Variants in POLR3GL observed in about 807,000 individuals in gnomAD.
POLR3GL encodes DNA-directed RNA polymerase III subunit RPC7-like.
In POLR3GL, 26 loss-of-function variants were observed where a neutral mutation model predicts 32.4. That is an observed-to-expected ratio of 0.80 (90% confidence interval 0.59 to 1.11). The LOEUF (loss-of-function observed/expected upper bound fraction) is 1.11, where lower values mean the gene tolerates loss of function less well. Among genes scored for constraint, POLR3GL ranks in the 50% most tolerant of loss-of-function variants. The pLI, the probability that POLR3GL is intolerant of heterozygous loss-of-function variation, is 0.00. For synonymous variants in POLR3GL, 95 were observed against 98.7 expected (o/e 0.96, Z 0.22); for missense variants, 229 against 280.1 (o/e 0.82, Z 1.30).
chr1:145,970,541 A>T (rs1459752133), intron 1 of POLR3GL, among the ~76,000 whole-genome samples: 1 of 152,060 alleles, frequency 6.6e-6, no homozygotes, highest in African/African-American at 2.4e-5. Flanking sequence ...GATAGTGCCA[A>T]GAGTTCCCAT....
chr1:145,977,260 G>A, intron 4 of POLR3GL, 108 bp downstream of exon 4: 1 of 1,009,380 alleles, frequency 9.9e-7, no homozygotes, highest in Non-Finnish European at 1.6e-6. Context: ...TCCAGCATCT[G>A]CAAGCTAGAG....
At position 145,974,928 on chromosome 1, in the gene POLR3GL, C is replaced by T. The variant is rs201848461; in HGVS notation, c.63C>T (p.Ala21=). ...GRGQLTFNVE[A]VGIGKGDALP... is the part of the protein sequence containing the mutation. ...GCCAGTTGACCTTCAACGTGGAGGC[C>T]GTGGGCATTGGGAAAGGGGATGCTT... Residue 21 remains alanine, a synonymous_variant, in exon 2 of 8, where the codon GCC becomes GCT. Coordinates refer to ENST00000369314, the MANE Select transcript of POLR3GL (RefSeq NM_032305.3). 5 of 1,521,038 alleles carry T rather than the reference C, an allele frequency of 3.3e-6. No homozygotes were observed. Among genetic ancestry groups the T allele is most frequent in the East Asian group, 2.5e-5 (1 of 39,454 alleles). The allele number at this position is 1,521,038 out of a possible 1,614,324, so 94.2% of individuals were successfully genotyped here. A position where few individuals can be genotyped will look rare whatever the true frequency, so the allele number is the denominator to read the frequency against.
At chr1:145,968,183 G>A (rs1650122490) in intron 1 of POLR3GL, among the ~76,000 whole-genome samples, 2 of 152,158 alleles carry the variant, frequency 1.3e-5, no homozygotes, top group Non-Finnish European at 2.9e-5. Flanking sequence ...AAAGGTTGAT[G>A]TTAAGGAGGA....
At chr1:145,966,513 C>CTCTTTT (rs1650037821) in intron 1 of POLR3GL, among the ~76,000 whole-genome samples, 1 of 148,858 alleles carries the variant, frequency 6.7e-6, no homozygotes, top group Non-Finnish European at 1.5e-5. Flanking sequence ...AGAGGCCGGG[C>CTCTTTT]GTGATGGCTC....
At chr1:145,976,836 C>T (rs1650575522) in intron 3 of POLR3GL, among the ~76,000 whole-genome samples, 1 of 146,918 alleles carries the variant, frequency 6.8e-6, no homozygotes, top group Admixed American at 7.0e-5. Context: ...TCGCTTGAAC[C>T]TGGGAGGTGG....
At chr1:145,965,758 C>T (rs1553761948) in intron 1 of POLR3GL, among the ~76,000 whole-genome samples, 1 of 152,158 alleles carries the variant, frequency 6.6e-6, no homozygotes, top group Non-Finnish European at 1.5e-5. Context: ...AGTCAATATC[C>T]TACAAATATT....
intron 1 of POLR3GL, among the ~76,000 whole-genome samples, chr1:145,970,514 T>C (rs587697724): frequency 6.6e-6 from 1 of 152,164 alleles, no homozygotes; most frequent in East Asian, 1.9e-4. Context: ...ATTTAAGACT[T>C]ACGGAAAAAT....
In POLR3GL at chr1:145,975,972, G is replaced by GAA. The variant is rs5777568; in HGVS notation, c.256+547_256+548dup. On this transcript the variant is annotated intron_variant, in intron 3 of 7. Coordinates refer to ENST00000369314, the MANE Select transcript of POLR3GL (RefSeq NM_032305.3). ...AGCCATGCCTTTGAACTAAGGGACAGAAAAAAAAAAAATCATCATGGCCGG... is the reference window on the plus strand; with the variant it reads ...AGCCATGCCTTTGAACTAAGGGACAGAAAAAAAAAAAAAATCATCATGGCCGG... Among the ~76,000 whole-genome samples, 43 of 147,544 alleles carry GAA rather than the reference G, an allele frequency of 2.9e-4. 1 individual carries two copies. The highest frequency in any genetic ancestry group is 8.1e-4 in the Admixed American group (12 of 14,860).
chr1:145,975,437 G>A lies in POLR3GL; in HGVS notation c.256+1G>A. On this transcript the variant is annotated splice_donor_variant, in intron 3 of 7. Transcript: ENST00000369314. LOFTEE classifies it high-confidence loss of function. The stretch of plus-strand genomic sequence containing the variant: ...ATCCGGCCAGCTGTCCCCAAGAGAG[G>A]TCAGTTGGAATGCTAGCATCATATT... 6.2e-7 allele frequency: 1 copy of A among 1,613,308 alleles called. No individual in the cohort carries two copies. The highest frequency in any genetic ancestry group is 2.2e-5 in the East Asian group (1 of 44,856).
Position 145,977,858 on chromosome 1 carries a change from A to C in POLR3GL, c.456+7A>C. ...AACAATACAGAAACTAGAGGTGAGG[A>C]GGAAGTGTGCATAGAGACCTCCTGA... On this transcript the variant is annotated splice_region_variant and intron_variant, in intron 6 of 7. Coordinates refer to ENST00000369314, the MANE Select transcript of POLR3GL (RefSeq NM_032305.3). 6.2e-7 allele frequency: 1 copy of C among 1,613,952 alleles called. No individual in the cohort carries two copies. Among genetic ancestry groups the C allele is most frequent in the Non-Finnish European group, 8.5e-7 (1 of 1,179,796 alleles).
intron 1 of POLR3GL, 42 bp from the exon 2 acceptor site, chr1:145,974,783 T>C: frequency 7.6e-7 from 1 of 1,315,554 alleles, no homozygotes. Context: ...TTCCTGTCCA[T>C]TCTACTACAT....
At chr1:145,968,497 TC>T (rs1165302578) in intron 1 of POLR3GL, among the ~76,000 whole-genome samples, 6 of 152,100 alleles carry the variant, frequency 3.9e-5, no homozygotes, top group Non-Finnish European at 7.3e-5. Context: ...ACTATATCTG[TC>T]AAGTGGAAAG....
rs149428823 is a variant in POLR3GL, at chr1:145,969,297, G to A, written c.-42+4529G>A. On this transcript the variant is annotated intron_variant, in intron 1 of 7. Transcript: ENST00000369314. ...AAAAATTTTTTTGAGACACAGTCTCGCTCTTTTGCCAGTCTGGAGTGCAGT... is the reference window on the plus strand; with the variant it reads ...AAAAATTTTTTTGAGACACAGTCTCACTCTTTTGCCAGTCTGGAGTGCAGT... 1.3e-3 allele frequency among the ~76,000 whole-genome samples: 193 copies of A among 151,370 alleles called. 5 individuals are homozygous for A. In the East Asian group the frequency reaches 0.033, roughly 26 times the overall value.
chr1:145,977,213 A>T, intron 4 of POLR3GL, 61 bp downstream of exon 4: 3 of 1,418,518 alleles, frequency 2.1e-6, no homozygotes, highest in Non-Finnish European at 3.0e-6. Flanking sequence ...GCTTCAAGCT[A>T]TTCCCACCAC....
intron 1 of POLR3GL, among the ~76,000 whole-genome samples, chr1:145,971,185 CAA>C (rs36126138): frequency 2.2e-5 from 2 of 90,658 alleles, no homozygotes; most frequent in African/African-American, 9.4e-5. Flanking sequence ...AACTCCATCT[CAA>C]AAAAAAAAAA....
intron 1 of POLR3GL, among the ~76,000 whole-genome samples, chr1:145,973,532 C>T (rs1426772222): frequency 6.6e-6 from 1 of 151,646 alleles, no homozygotes; most frequent in Non-Finnish European, 1.5e-5. Flanking sequence ...GGTGACATGG[C>T]GAAATCCTGT....
At chr1:145,974,157 T>C (rs1650447739) in intron 1 of POLR3GL, among the ~76,000 whole-genome samples, 1 of 152,010 alleles carries the variant, frequency 6.6e-6, no homozygotes, top group Non-Finnish European at 1.5e-5. Context: ...AAAAGATCAA[T>C]TTGATTGTAA....
At chr1:145,969,237 T>C (rs1381037650) in intron 1 of POLR3GL, among the ~76,000 whole-genome samples, 1 of 152,012 alleles carries the variant, frequency 6.6e-6, no homozygotes, top group Non-Finnish European at 1.5e-5. Flanking sequence ...GTGCTGAAAT[T>C]ACCTCCATGA....
At position 145,978,353 on chromosome 1, in the gene POLR3GL, C is replaced by A; in HGVS notation, c.571-8C>A. ...AATTGACTTTTACTTTTTTTTTTTC[C>A]ATTTCAGGAAACTGATTACATCATG... On this transcript the variant is annotated splice_polypyrimidine_tract_variant and splice_region_variant and intron_variant, in intron 7 of 7. Coordinates refer to ENST00000369314, the MANE Select transcript of POLR3GL (RefSeq NM_032305.3). 1.9e-6 allele frequency: 2 copies of A among 1,060,310 alleles called. No individual in the cohort carries two copies. The highest frequency in any genetic ancestry group is 1.4e-5 in the South Asian group (1 of 71,594). 65.7% of individuals were successfully genotyped at this position (1,060,310 alleles called of 1,614,324 possible). A position where few individuals can be genotyped will look rare whatever the true frequency, so the allele number is the denominator to read the frequency against.
Sources: allele counts gnomAD v4.1 joint callset (sites outside exome capture counted in the v4.1 genomes callset), GRCh38; gene constraint gnomAD v4.1.1; transcripts MANE v1.5; gene names NCBI Gene and HGNC (gene_info 2026-07-23, HGNC 2026-07-21).